ULK4: variants seen among roughly 807,000 people sequenced by gnomAD.
ULK4 encodes inactive serine/threonine-protein kinase ULK4.
Under a neutral mutation model 160.6 loss-of-function variants are expected in ULK4, and 133 were observed. That is an observed-to-expected ratio of 0.83 (90% CI 0.72 to 0.96). The LOEUF (loss-of-function observed/expected upper bound fraction) is 0.96, where lower values mean the gene tolerates loss of function less well. ULK4 is among the 40% of genes least tolerant of loss of function. The pLI is 0.00. For missense variants in ULK4, 1,580 were observed against 1,499.5 expected (o/e 1.05, Z -0.89); for synonymous variants, 534 against 539.8 (o/e 0.99, Z 0.15).
intron 32 of ULK4, among the ~76,000 whole-genome samples, chr3:41,473,934 T>G (rs2084065833): frequency 6.6e-6 from 1 of 152,136 alleles, no homozygotes; most frequent in South Asian, 2.1e-4. Flanking sequence ...AATCTACAGA[T>G]TCAATGCAGC....
In ULK4 at chr3:41,897,006, G is replaced by A. The variant is rs1698182339; in HGVS notation, c.1349-3C>T. 1 of 1,604,162 alleles carries A rather than the reference G, an allele frequency of 6.2e-7. No homozygotes were observed. Among genetic ancestry groups the A allele is most frequent in the African/African-American group, 1.3e-5 (1 of 74,448 alleles). On this transcript the variant is annotated splice_region_variant and splice_polypyrimidine_tract_variant and intron_variant, in intron 14 of 36. Transcript: ENST00000301831. The stretch of plus-strand genomic sequence containing the variant: ...TTTCAGAAATAATAACTTATCCACT[G>A]CGATGGAAAGAAAATAATAAAAGTA...
intron 22 of ULK4, among the ~76,000 whole-genome samples, chr3:41,752,643 T>C (rs529379499): frequency 2.0e-5 from 3 of 152,338 alleles, no homozygotes; most frequent in African/African-American, 7.2e-5. Flanking sequence ...ATCTGCTCAA[T>C]GAAAATCATA....
At chr3:41,334,751 A>C (rs1314806613) in intron 35 of ULK4, among the ~76,000 whole-genome samples, 1 of 152,232 alleles carries the variant, frequency 6.6e-6, no homozygotes, top group Non-Finnish European at 1.5e-5. Flanking sequence ...TGTGTATTTT[A>C]ATACATGAAA....
chr3:41,904,334 T>C (rs1440701912), intron 12 of ULK4, among the ~76,000 whole-genome samples: 2 of 151,988 alleles, frequency 1.3e-5, no homozygotes, highest in African/African-American at 2.4e-5. Context: ...GAGGCTGAGA[T>C]GAGAGAATCA....
At chr3:41,685,588 C>A (rs1466505197) in intron 27 of ULK4, among the ~76,000 whole-genome samples, 1 of 152,170 alleles carries the variant, frequency 6.6e-6, no homozygotes, top group African/African-American at 2.4e-5. Context: ...GAATGGCAGC[C>A]TTGTTGCCAT....
chr3:41,585,673 C>T (rs2030741135), intron 31 of ULK4, among the ~76,000 whole-genome samples: 2 of 152,008 alleles, frequency 1.3e-5, no homozygotes, highest in African/African-American at 4.8e-5. Flanking sequence ...TAAATGAGAC[C>T]ACATCAAATT....
chr3:41,250,588 C>T (rs1300675106), intron 35 of ULK4, among the ~76,000 whole-genome samples: 2 of 152,160 alleles, frequency 1.3e-5, no homozygotes, highest in African/African-American at 2.4e-5. Context: ...TCACAGCAAC[C>T]GAGGCTGGAT....
intron 17 of ULK4, among the ~76,000 whole-genome samples, chr3:41,837,491 T>C (rs79590454): frequency 3.3e-5 from 5 of 152,076 alleles, no homozygotes; most frequent in Non-Finnish European, 7.4e-5. Flanking sequence ...TCATACACTA[T>C]ATATTCTTTT....
intron 34 of ULK4, among the ~76,000 whole-genome samples, chr3:41,422,655 A>C (rs2082687892): frequency 6.6e-6 from 1 of 152,144 alleles, no homozygotes; most frequent in Non-Finnish European, 1.5e-5. Context: ...TTTACCTATC[A>C]AATGGACAAA....
intron 32 of ULK4, among the ~76,000 whole-genome samples, chr3:41,492,457 C>A (rs970498931): frequency 1.1e-4 from 17 of 151,156 alleles, no homozygotes; most frequent in African/African-American, 3.9e-4. Context: ...CAACCGGTAC[C>A]AGCCACTGCA....
chr3:41,783,953 T>C (rs1317759829), intron 21 of ULK4, among the ~76,000 whole-genome samples: 1 of 152,062 alleles, frequency 6.6e-6, no homozygotes, highest in Non-Finnish European at 1.5e-5. Context: ...ATAAAAGAGT[T>C]TGGAGTACAA....
At chr3:41,645,238 T>G (rs1178650339) in intron 30 of ULK4, among the ~76,000 whole-genome samples, 1 of 151,960 alleles carries the variant, frequency 6.6e-6, no homozygotes, top group East Asian at 1.9e-4. Context: ...CTGCTAGCTT[T>G]TGAATGTGTT....
At chr3:41,906,510 C>CA (rs1484412331) in intron 12 of ULK4, among the ~76,000 whole-genome samples, 25 of 151,480 alleles carry the variant, frequency 1.7e-4, no homozygotes. Context: ...GCCTGGATGA[C>CA]AGAGTGAGAC....
chr3:41,370,269 G>A (rs2081336960), intron 35 of ULK4, among the ~76,000 whole-genome samples: 2 of 152,064 alleles, frequency 1.3e-5, no homozygotes, highest in South Asian at 4.2e-4. Context: ...TGCAATTAAT[G>A]AAATCCATAA....
chr3:41,820,521 GAAGC>G lies in ULK4; in HGVS notation c.1765-1019_1765-1016del, dbSNP rs140936960. Among the ~76,000 whole-genome samples, 149 of 152,224 alleles carry G rather than the reference GAAGC, an allele frequency of 9.8e-4. 1 individual carries two copies. The highest frequency in any genetic ancestry group is 3.4e-3 in the African/African-American group (142 of 41,542). On this transcript the variant is annotated intron_variant, in intron 18 of 36. Coordinates refer to ENST00000301831, the MANE Select transcript of ULK4 (RefSeq NM_017886.4). The stretch of plus-strand genomic sequence containing the variant: ...TGGAGGCCATTATCCTAAGCAAATT[GAAGC>G]AAGAACAGAAAATCAAATACCACGT...
intron 22 of ULK4, among the ~76,000 whole-genome samples, chr3:41,723,937 T>C (rs1364933739): frequency 3.9e-5 from 6 of 152,022 alleles, no homozygotes; most frequent in South Asian, 2.1e-4. Flanking sequence ...CCAAGAGAAA[T>C]AGCCAGAGAC....
At chr3:41,447,546 C>T (rs998805574) in intron 34 of ULK4, among the ~76,000 whole-genome samples, 1 of 152,084 alleles carries the variant, frequency 6.6e-6, no homozygotes, top group Non-Finnish European at 1.5e-5. Context: ...AGTTCCGGGG[C>T]CTTTCTTCCC....
At chr3:41,919,902 T>C in intron 5 of ULK4, 84 bp from the exon 6 acceptor site, 2 of 745,596 alleles carry the variant, frequency 2.7e-6, no homozygotes, top group Non-Finnish European at 4.4e-6. Context: ...TCTGATGAGA[T>C]GAAAAAGGGC....
chr3:41,834,856 C>A (rs1246455163), intron 18 of ULK4, among the ~76,000 whole-genome samples: 2 of 152,162 alleles, frequency 1.3e-5, no homozygotes, highest in African/African-American at 2.4e-5. Context: ...CCAGCCTGGG[C>A]AACATGGCGA....
Sources: gnomAD v4.1 joint callset for allele counts (sites outside exome capture counted in the v4.1 genomes callset) on GRCh38, gnomAD v4.1.1 for gene constraint, MANE v1.5 for transcripts, NCBI Gene and HGNC (gene_info 2026-07-23, HGNC 2026-07-21) for gene names.